The following FRMD4A variants were observed in gnomAD, a reference collection of about 807,000 sequenced individuals.
FRMD4A encodes FERM domain containing 4A, also known as FERM domain-containing protein 4A.
In FRMD4A, 29 loss-of-function variants were observed where a neutral mutation model predicts 129.1. The observed-to-expected ratio is 0.22, with a 90% confidence interval of 0.17 to 0.31. The LOEUF is 0.31. FRMD4A is among the 10% of genes least tolerant of loss of function. The pLI, the probability that FRMD4A is intolerant of heterozygous loss-of-function variation, is 1.00. For missense variants in FRMD4A, 1,272 were observed against 1,375.8 expected, an observed-to-expected ratio of 0.92 and a Z score of 1.19; for synonymous variants, 634 against 571.6, an observed-to-expected ratio of 1.11 and a Z score of -1.56.
intron 2 of FRMD4A, among the ~76,000 whole-genome samples, chr10:14,072,203 T>G (rs1324944948): frequency 6.6e-6 from 1 of 152,198 alleles, no homozygotes; most frequent in Non-Finnish European, 1.5e-5. Flanking sequence ...GTTTTATGGC[T>G]AAATGGATAT....
chr10:14,272,835 T>C (rs1239246366), intron 2 of FRMD4A, among the ~76,000 whole-genome samples: 2 of 152,202 alleles, frequency 1.3e-5, no homozygotes, highest in South Asian at 2.1e-4. Flanking sequence ...TCAGATGTGT[T>C]TGAGGTTAGT....
At chr10:13,986,028 A>G (rs1459254202) in intron 2 of FRMD4A, among the ~76,000 whole-genome samples, 1 of 152,100 alleles carries the variant, frequency 6.6e-6, no homozygotes, top group Non-Finnish European at 1.5e-5. Context: ...TCTAGAACTG[A>G]GAGTTTCTAG....
intron 2 of FRMD4A, among the ~76,000 whole-genome samples, chr10:13,884,174 A>ACATG (rs769193704): frequency 1.9e-5 from 2 of 105,216 alleles, no homozygotes; most frequent in East Asian, 3.8e-4. Context: ...ACACTCACAC[A>ACATG]CTCACACACA....
intron 2 of FRMD4A, among the ~76,000 whole-genome samples, chr10:14,256,774 G>A (rs1844628354): frequency 6.6e-6 from 1 of 152,078 alleles, no homozygotes; most frequent in African/African-American, 2.4e-5. Context: ...CTTGAGGCCA[G>A]AAGTTTGAGA....
intron 2 of FRMD4A, among the ~76,000 whole-genome samples, chr10:14,066,648 T>G (rs1835074066): frequency 6.6e-6 from 1 of 152,106 alleles, no homozygotes; most frequent in Non-Finnish European, 1.5e-5. Context: ...CACTCTGAAT[T>G]CATGGCGAAA....
chr10:13,912,927 G>T (rs2094958782), intron 2 of FRMD4A, among the ~76,000 whole-genome samples: 1 of 151,880 alleles, frequency 6.6e-6, no homozygotes, highest in African/African-American at 2.4e-5. Flanking sequence ...TACAAAATTA[G>T]CTGGGTGTGG....
chr10:14,079,908 C>T (rs1004536562), intron 2 of FRMD4A, among the ~76,000 whole-genome samples: 1 of 152,188 alleles, frequency 6.6e-6, no homozygotes, highest in African/African-American at 2.4e-5. Flanking sequence ...TTTCTATCCA[C>T]TTGGCAAGGG....
At chr10:14,052,644 C>T (rs917262224) in intron 2 of FRMD4A, among the ~76,000 whole-genome samples, 11 of 152,104 alleles carry the variant, frequency 7.2e-5, no homozygotes, top group Non-Finnish European at 1.0e-4. Flanking sequence ...CTGCAACCTC[C>T]GCCTCCCAGG....
intron 3 of FRMD4A, among the ~76,000 whole-genome samples, chr10:13,815,201 G>C (rs2093521747): frequency 6.6e-6 from 1 of 152,130 alleles, no homozygotes; most frequent in African/African-American, 2.4e-5. Context: ...TCAAAACAAG[G>C]TTGAGATACA....
At chr10:13,795,011 A>G (rs1248919150) in intron 5 of FRMD4A, among the ~76,000 whole-genome samples, 1 of 152,228 alleles carries the variant, frequency 6.6e-6, no homozygotes, top group East Asian at 1.9e-4. Context: ...AAGGACGTCC[A>G]CAAATAATTC....
intron 2 of FRMD4A, among the ~76,000 whole-genome samples, chr10:13,946,315 T>C (rs2095331123): frequency 6.6e-6 from 1 of 152,138 alleles, no homozygotes; most frequent in African/African-American, 2.4e-5. Flanking sequence ...TTGAAAGAGG[T>C]GCTCGTTACT....
chr10:14,109,409 G>A (rs1253984354), intron 2 of FRMD4A, among the ~76,000 whole-genome samples: 3 of 152,182 alleles, frequency 2.0e-5, no homozygotes, highest in Admixed American at 1.3e-4. Flanking sequence ...AAGGAGAAGA[G>A]AGTAGCAAAA....
chr10:13,789,054 C>T (rs1317292525), intron 5 of FRMD4A, among the ~76,000 whole-genome samples: 1 of 152,140 alleles, frequency 6.6e-6, no homozygotes, highest in Admixed American at 6.5e-5. Context: ...ACACAAATGT[C>T]ACATTTAAAA....
At chr10:14,265,310 A>G (rs1844940893) in intron 2 of FRMD4A, among the ~76,000 whole-genome samples, 1 of 152,028 alleles carries the variant, frequency 6.6e-6, no homozygotes, top group Non-Finnish European at 1.5e-5. Context: ...CCTCAGTTTA[A>G]GGTTCTGTGA....
At chr10:14,089,819 A>G (rs1488884925) in intron 2 of FRMD4A, among the ~76,000 whole-genome samples, 1 of 152,190 alleles carries the variant, frequency 6.6e-6, no homozygotes, top group Non-Finnish European at 1.5e-5. Flanking sequence ...GCCAATGTCC[A>G]GGTAGTTTCC....
At chr10:14,128,530 G>T (rs1480503434) in intron 2 of FRMD4A, among the ~76,000 whole-genome samples, 5 of 152,188 alleles carry the variant, frequency 3.3e-5, no homozygotes, top group Non-Finnish European at 1.5e-5. Flanking sequence ...GCTCAAATCT[G>T]ATGCAAAATT....
chr10:14,036,091 G>A (rs1251381920), intron 2 of FRMD4A, among the ~76,000 whole-genome samples: 1 of 151,518 alleles, frequency 6.6e-6, no homozygotes, highest in African/African-American at 2.4e-5. Flanking sequence ...GATGCAGTAA[G>A]GATTAGTGTC....
chr10:14,320,083 A>T (rs1461997496), intron 2 of FRMD4A, among the ~76,000 whole-genome samples: 1 of 151,596 alleles, frequency 6.6e-6, no homozygotes, highest in African/African-American at 2.4e-5. Context: ...GCTCCGTGCC[A>T]CCTCTTTACC....
chr10:14,218,955 CAAAAAAAAAAAAAAAAAAAAAAAAAA>C (rs56064346), intron 2 of FRMD4A, among the ~76,000 whole-genome samples: 40 of 72,644 alleles, frequency 5.5e-4, no homozygotes, highest in Admixed American at 1.2e-3. Context: ...GACTTCATCT[CAAAAAAAAAAAAAAAAAAAAAAAAAA>C]AAAAAAAAAA....
Sources: allele counts gnomAD v4.1 joint callset (sites outside exome capture counted in the v4.1 genomes callset), GRCh38; gene constraint gnomAD v4.1.1; transcripts MANE v1.5; gene names NCBI Gene and HGNC (gene_info 2026-07-23, HGNC 2026-07-21).